The following TEX9 variants were observed in gnomAD, a reference collection of about 807,000 sequenced individuals.
TEX9 encodes the protein testis expressed 9.
A neutral mutation model predicts 59.6 loss-of-function variants in TEX9; 74 were observed. The ratio of observed to expected loss-of-function variants is 1.24; its 90% CI spans 1.03 to 1.51. The LOEUF (loss-of-function observed/expected upper bound fraction) is 1.51. TEX9 is among the 40% of genes most tolerant of loss of function. The pLI is 0.00. For missense variants in TEX9, 522 were observed against 447.8 expected (o/e 1.17, Z -1.49); for synonymous variants, 186 against 152.2 (o/e 1.22, Z -1.64).
chr15:56,256,092 A>T (rs2044139747), intron 1 of TEX9, among the ~76,000 whole-genome samples: 1 of 152,120 alleles, frequency 6.6e-6, no homozygotes, highest in African/African-American at 2.4e-5. Context: ...ATTTAAAATG[A>T]AATTATAAAT....
chr15:56,292,322 T>C (rs1436359209), intron 1 of TEX9, among the ~76,000 whole-genome samples: 2 of 152,126 alleles, frequency 1.3e-5, no homozygotes, highest in Admixed American at 1.3e-4. Context: ...CTGTGGCAGC[T>C]GGAAGGCAGA....
At chr15:56,394,314 AT>A in intron 8 of TEX9, 67 bp downstream of exon 8, 2 of 1,301,656 alleles carry the variant, frequency 1.5e-6, no homozygotes, top group Non-Finnish European at 2.1e-6. Flanking sequence ...TTTCAATTAC[AT>A]TTTTTGAATT....
At chr15:56,391,035 G>A (rs953962115) in intron 6 of TEX9, among the ~76,000 whole-genome samples, 5 of 152,108 alleles carry the variant, frequency 3.3e-5, no homozygotes, top group South Asian at 2.1e-4. Flanking sequence ...AGTATCACAT[G>A]TAGATTTCAT....
intron 3 of TEX9, among the ~76,000 whole-genome samples, chr15:56,377,214 C>A (rs2047500939): frequency 6.6e-6 from 1 of 152,034 alleles, no homozygotes; most frequent in Non-Finnish European, 1.5e-5. Flanking sequence ...GTTCTTTTTG[C>A]TTAGGGTAGC....
the TEX9 span, among the ~76,000 whole-genome samples, chr15:56,460,009 A>AAATATAT: frequency 1.5e-4 from 4 of 26,388 alleles, no homozygotes; most frequent in Admixed American, 5.6e-4. Context: ...AAAAAAAAAA[A>AAATATAT]ATACATATAT....
At chr15:56,320,293 A>C (rs1387799314) in intron 1 of TEX9, among the ~76,000 whole-genome samples, 1 of 152,240 alleles carries the variant, frequency 6.6e-6, no homozygotes, top group Non-Finnish European at 1.5e-5. Flanking sequence ...TCCAGCTGCC[A>C]TAATAAAATA....
At chr15:56,259,996 G>A (rs1434375301) in intron 1 of TEX9, among the ~76,000 whole-genome samples, 1 of 151,798 alleles carries the variant, frequency 6.6e-6, no homozygotes, top group African/African-American at 2.4e-5. Context: ...GATATTTGAG[G>A]TTTTCCAATG....
chr15:56,308,153 G>A (rs1317439233), intron 1 of TEX9, among the ~76,000 whole-genome samples: 1 of 152,184 alleles, frequency 6.6e-6, no homozygotes, highest in Non-Finnish European at 1.5e-5. Flanking sequence ...CTGCCAAACT[G>A]TTTTCCAAAG....
In TEX9 at chr15:56,342,353, C is replaced by G. The variant is rs1395501335; in HGVS notation, c.-106-31088C>G. On this transcript the variant is annotated intron_variant, in intron 1 of 5. Coordinates refer to the TEX9 transcript ENST00000560827. ...AGGACACACAGCCACATGGCTACCTCTACTCAGTTTTTGAAAATTCAGCCC... is the reference window on the plus strand; with the variant it reads ...AGGACACACAGCCACATGGCTACCTGTACTCAGTTTTTGAAAATTCAGCCC... 2.0e-5 allele frequency among the ~76,000 whole-genome samples: 3 copies of G among 152,232 alleles called. No homozygotes were observed. In the South Asian group the frequency reaches 6.2e-4, roughly 32 times the overall value.
At chr15:56,329,436 A>G (rs916296126) in intron 1 of TEX9, among the ~76,000 whole-genome samples, 4 of 152,204 alleles carry the variant, frequency 2.6e-5, no homozygotes, top group African/African-American at 7.2e-5. Flanking sequence ...CAAACGAACT[A>G]AATGAGTTAA....
At chr15:56,280,110 A>G (rs1373587770) in intron 1 of TEX9, among the ~76,000 whole-genome samples, 3 of 152,260 alleles carry the variant, frequency 2.0e-5, no homozygotes, top group Non-Finnish European at 2.9e-5. Context: ...AAGGCAGGCA[A>G]TGCTAAGCTA....
At chr15:56,405,134 T>TA (rs1300688946) in intron 9 of TEX9, among the ~76,000 whole-genome samples, 2 of 151,542 alleles carry the variant, frequency 1.3e-5, no homozygotes, top group Non-Finnish European at 2.9e-5. Flanking sequence ...AGTATATTAA[T>TA]AAAAAAAATT....
At chr15:56,416,343 G>T (rs866489093) in intron 10 of TEX9, among the ~76,000 whole-genome samples, 1 of 151,906 alleles carries the variant, frequency 6.6e-6, no homozygotes, top group Admixed American at 6.6e-5. Flanking sequence ...AATGTTGGCT[G>T]TGGGTTTGCC....
upstream of TEX9, among the ~76,000 whole-genome samples, chr15:56,361,373 C>T (rs1224970239): frequency 6.6e-6 from 1 of 152,096 alleles, no homozygotes; most frequent in African/African-American, 2.4e-5. Flanking sequence ...TCATAACATT[C>T]CACAGGTTTT....
At chr15:56,345,737 C>G (rs2046458245) in intron 1 of TEX9, among the ~76,000 whole-genome samples, 1 of 152,064 alleles carries the variant, frequency 6.6e-6, no homozygotes, top group Non-Finnish European at 1.5e-5. Flanking sequence ...ATAGTGTGAC[C>G]CAGATTATGG....
At chr15:56,453,681 TA>T in the TEX9 span, among the ~76,000 whole-genome samples, 2 of 152,154 alleles carry the variant, frequency 1.3e-5, no homozygotes, top group East Asian at 3.8e-4. Context: ...TGCCATAATT[TA>T]AAATAGGATT....
intron 1 of TEX9, among the ~76,000 whole-genome samples, chr15:56,338,123 T>C (rs1277042295): frequency 1.3e-5 from 2 of 152,230 alleles, no homozygotes; most frequent in Non-Finnish European, 2.9e-5. Context: ...GCTTAAAGTT[T>C]AGTGAGACTC....
Position 56,410,887 on chromosome 15 carries a change from A to G in TEX9, c.829-1415A>G, listed in dbSNP as rs560785385. 2.0e-5 allele frequency among the ~76,000 whole-genome samples: 3 copies of G among 152,338 alleles called. No homozygotes were observed. The East Asian group carries it at 5.8e-4, about 29-fold the overall frequency. ...GATAAATCAAGCTAGCTCTTCCTGT[A>G]GCTACCACCCACAAAGCTGTGAAGA... On this transcript the variant is annotated intron_variant, in intron 9 of 12. Transcript: ENST00000352903.
intron 1 of TEX9, among the ~76,000 whole-genome samples, chr15:56,318,221 C>T (rs1276505112): frequency 1.3e-5 from 2 of 151,970 alleles, no homozygotes; most frequent in African/African-American, 4.8e-5. Context: ...TATTTATGTT[C>T]CTAATGCGTT....
Sources: allele counts gnomAD v4.1 joint callset (sites outside exome capture counted in the v4.1 genomes callset), GRCh38; gene constraint gnomAD v4.1.1; transcripts MANE v1.5; gene names NCBI Gene and HGNC (gene_info 2026-07-23, HGNC 2026-07-21).